Variants in ADAMTS18 observed in about 807,000 individuals in gnomAD.
ADAMTS18 encodes the protein ADAM metallopeptidase with thrombospondin type 1 motif 18, also known as A disintegrin and metalloproteinase with thrombospondin motifs 18.
Under a neutral mutation model 165.9 loss-of-function variants are expected in ADAMTS18, and 157 were observed. That is an observed-to-expected ratio of 0.95 (90% CI 0.83 to 1.08). The LOEUF (loss-of-function observed/expected upper bound fraction) is 1.08, where lower values mean the gene tolerates loss of function less well. Among genes scored for constraint, ADAMTS18 ranks in the 50% least tolerant of loss-of-function variants. The pLI is 0.00. For missense variants in ADAMTS18, 2,040 were observed against 1,534.0 expected, an observed-to-expected ratio of 1.33 and a Z score of -5.51; for synonymous variants, 782 against 578.2, an observed-to-expected ratio of 1.35 and a Z score of -5.06.
intron 3 of ADAMTS18, among the ~76,000 whole-genome samples, chr16:77,412,104 T>G (rs1055613455): frequency 3.3e-5 from 5 of 152,054 alleles, no homozygotes; most frequent in African/African-American, 9.7e-5. Context: ...TGGGTCTCAT[T>G]CATCCACCAG....
chr16:77,422,962 C>A (rs190800057), intron 3 of ADAMTS18, among the ~76,000 whole-genome samples: 71 of 152,306 alleles, frequency 4.7e-4, no homozygotes, highest in African/African-American at 1.6e-3. Context: ...ACTGAAGGTC[C>A]TGTTCAGACA....
Position 77,434,652 on chromosome 16 carries a change from C to A in ADAMTS18, c.44G>T (p.Gly15Val). The change falls in exon 1 of 23, where the codon GGT (glycine) becomes GTT (valine). Residue 15 changes from glycine to valine, a missense_variant. Physicochemically the swap from Gly to Val is moderately radical, Grantham distance 109. Coordinates refer to ENST00000282849, the MANE Select transcript of ADAMTS18 (RefSeq NM_199355.4). ...CGCCAGGCCCCTCGGCGGGCCCGAA[C>A]CCGCAGCCGGGAAGGCACACGCGAG... is the stretch of plus-strand genomic sequence containing the variant. ...LLLACAFPAAGSGPPRGLAGL... is the reference protein window; with the variant it reads ...LLLACAFPAAVSGPPRGLAGL... The A allele has an allele frequency of 1.4e-6, 2 of 1,480,430 alleles. No individual in the cohort carries two copies. Among genetic ancestry groups the A allele is most frequent in the Non-Finnish European group, 1.8e-6 (2 of 1,122,458 alleles). The allele number at this position is 1,480,430 out of a possible 1,614,324, so 91.7% of individuals were successfully genotyped here. A position where few individuals can be genotyped will look rare whatever the true frequency, so the allele number is the denominator to read the frequency against.
intron 3 of ADAMTS18, among the ~76,000 whole-genome samples, chr16:77,406,002 T>G (rs1055714714): frequency 1.3e-5 from 2 of 151,954 alleles, no homozygotes; most frequent in African/African-American, 4.8e-5. Flanking sequence ...AGAAAAAAAA[T>G]CCACATTTTT....
chr16:77,283,221 C>A lies in ADAMTS18; in HGVS notation c.*735G>T, dbSNP rs908988779. On this transcript the variant is annotated 3_prime_UTR_variant, in exon 23 of 23. Coordinates refer to ENST00000282849, the MANE Select transcript of ADAMTS18 (RefSeq NM_199355.4). Reference sequence around the variant, plus strand: ...ACATGTGAAGGGCATCCATATTTATCTTTTCTATGAGTTGTTTCCTTGCAT... The same window carrying A: ...ACATGTGAAGGGCATCCATATTTATATTTTCTATGAGTTGTTTCCTTGCAT... 1 of 152,552 alleles carries A rather than the reference C, an allele frequency of 6.6e-6. No individual in the cohort carries two copies. Among genetic ancestry groups the A allele is most frequent in the Admixed American group, 6.6e-5 (1 of 15,258 alleles). 9.4% of individuals were successfully genotyped at this position (152,552 alleles called of 1,614,324 possible).
At chr16:77,354,312 G>A (rs1013148233) in intron 9 of ADAMTS18, among the ~76,000 whole-genome samples, 2 of 152,124 alleles carry the variant, frequency 1.3e-5, no homozygotes, top group African/African-American at 4.8e-5. Context: ...TTTAAATCAA[G>A]TATTTTCTTT....
rs1161028947 is a variant in ADAMTS18 at position 77,431,313 on chromosome 16, C to G, written c.477G>C (p.Val159=). The stretch of plus-strand genomic sequence containing the variant: ...TACTTACCAAGCCAGCACACGTAGA[C>G]ACAGCGACAGAGGAGGAGCTGTCAT... ...IRNDSSSSVA[V]STCAGLSGLI... is the part of the protein sequence containing the mutation. Residue 159 remains valine, a synonymous_variant, in exon 3 of 23, where the codon GTG becomes GTC. Transcript: ENST00000282849. The G allele has an allele frequency of 2.5e-6, 4 of 1,614,018 alleles. No individual in the cohort carries two copies. In the African/African-American group the frequency reaches 5.3e-5, roughly 22 times the overall value.
At chr16:77,291,599 G>A in intron 20 of ADAMTS18, 121 bp from the exon 21 acceptor site, 1 of 989,606 alleles carries the variant, frequency 1.0e-6, no homozygotes, top group Non-Finnish European at 1.6e-6. Context: ...ATTACACAAG[G>A]TCAACCACAC....
At chr16:77,389,970 A>G (rs1490075807) in intron 3 of ADAMTS18, among the ~76,000 whole-genome samples, 2 of 152,218 alleles carry the variant, frequency 1.3e-5, no homozygotes, top group Non-Finnish European at 2.9e-5. Flanking sequence ...ATGTTCAGCC[A>G]ACACTGAAAT....
At chr16:77,417,235 G>T (rs1285572878) in intron 3 of ADAMTS18, among the ~76,000 whole-genome samples, 1 of 151,996 alleles carries the variant, frequency 6.6e-6, no homozygotes, top group Admixed American at 6.6e-5. Context: ...TGAGAAAAAT[G>T]TTTTAGAAGT....
chr16:77,367,871 A>G (rs2056821933), intron 3 of ADAMTS18, 148 bp from the exon 4 acceptor site: 5 of 904,848 alleles, frequency 5.5e-6, no homozygotes, highest in Non-Finnish European at 8.9e-6. Flanking sequence ...TATCTGCACC[A>G]TTACAACGAG....
intron 3 of ADAMTS18, among the ~76,000 whole-genome samples, chr16:77,370,341 G>T (rs566177113): frequency 3.3e-5 from 5 of 152,234 alleles, no homozygotes; most frequent in South Asian, 2.1e-4. Context: ...AAACTCTAAA[G>T]AAACAATCAA....
At position 77,320,092 on chromosome 16, in the gene ADAMTS18, T is replaced by C. The variant is rs753909627; in HGVS notation, c.2289A>G (p.Glu763=). The stretch of plus-strand genomic sequence containing the variant: ...CTGGAATGAGGACCACCGGATAATA[T>C]TCTAAATGGAAAGAAGAGAACATGT... The part of the protein sequence containing the change: ...GLYLNQHKAN[E]YYPVVLIPAG... Residue 763 remains glutamate (E), a splice_region_variant and synonymous_variant, in exon 16 of 23, where the codon GAA becomes GAG. Transcript: ENST00000282849. 2 of 1,614,078 alleles carry C rather than the reference T, an allele frequency of 1.2e-6. No individual in the cohort carries two copies. The highest frequency in any genetic ancestry group is 1.1e-5 in the South Asian group (1 of 91,082).
chr16:77,296,968 C>A (rs2055485191), intron 18 of ADAMTS18, among the ~76,000 whole-genome samples: 1 of 152,132 alleles, frequency 6.6e-6, no homozygotes, highest in Non-Finnish European at 1.5e-5. Context: ...AAACTTCAAC[C>A]ATCTTTTTTA....
intron 22 of ADAMTS18, among the ~76,000 whole-genome samples, chr16:77,287,002 T>G (rs2055266229): frequency 6.6e-6 from 1 of 152,146 alleles, no homozygotes; most frequent in Admixed American, 6.5e-5. Flanking sequence ...GCACTCAGTA[T>G]GGGCAGGGAT....
intron 12 of ADAMTS18, among the ~76,000 whole-genome samples, chr16:77,327,869 C>T (rs192770439): frequency 6.6e-6 from 1 of 152,190 alleles, no homozygotes; most frequent in African/African-American, 2.4e-5. Flanking sequence ...CGTCAGCACA[C>T]TGGGGAGAAG....
At chr16:77,345,338 C>T (rs1460383807) in intron 10 of ADAMTS18, among the ~76,000 whole-genome samples, 1 of 152,174 alleles carries the variant, frequency 6.6e-6, no homozygotes, top group Non-Finnish European at 1.5e-5. Flanking sequence ...CTCTATATTC[C>T]CATTGGTTCT....
intron 8 of ADAMTS18, 85 bp from the exon 9 acceptor site, chr16:77,356,162 A>C: frequency 1.3e-6 from 2 of 1,568,162 alleles, no homozygotes; most frequent in Non-Finnish European, 1.8e-6. Flanking sequence ...AGATGTATTG[A>C]TCATCAACAA....
At position 77,363,892 on chromosome 16, in the gene ADAMTS18, G is replaced by C. The variant is rs2056753050; in HGVS notation, c.973-7C>G. The C allele has an allele frequency of 6.2e-7, 1 of 1,613,468 alleles. No homozygotes were observed. The highest frequency in any genetic ancestry group is 8.5e-7 in the Non-Finnish European group (1 of 1,179,662). On this transcript the variant is annotated splice_region_variant and splice_polypyrimidine_tract_variant and intron_variant, in intron 5 of 22. Transcript: ENST00000282849. Reference sequence around the variant, plus strand: ...CTTTAAATAGGCCAGAAACCTGTTGGAACAATGGAAATCAAACAAAATCTC... The same window carrying C: ...CTTTAAATAGGCCAGAAACCTGTTGCAACAATGGAAATCAAACAAAATCTC...
At chr16:77,379,015 G>C (rs1440427993) in intron 3 of ADAMTS18, 1 of 151,700 alleles carries the variant, frequency 6.6e-6, no homozygotes, top group Non-Finnish European at 1.5e-5. Context: ...TCTTACAGAA[G>C]TAACTGAAGA....
Sources: allele counts gnomAD v4.1 joint callset (sites outside exome capture counted in the v4.1 genomes callset), GRCh38; gene constraint gnomAD v4.1.1; transcripts MANE v1.5; gene names NCBI Gene and HGNC (gene_info 2026-07-23, HGNC 2026-07-21).